The following FAM204A variants were observed in gnomAD, a reference collection of about 807,000 sequenced individuals.
FAM204A encodes the protein family with sequence similarity 204 member A.
Under a neutral mutation model 35.4 loss-of-function variants are expected in FAM204A, and 16 were observed. The observed-to-expected ratio is 0.45, with a 90% confidence interval of 0.31 to 0.69. The LOEUF is 0.69. Among genes scored for constraint, FAM204A ranks in the 30% least tolerant of loss-of-function variants. FAM204A has a pLI of 0.07. For missense variants in FAM204A, 240 were observed against 265.7 expected, an observed-to-expected ratio of 0.90 and a Z score of 0.67; for synonymous variants, 76 against 86.9, an observed-to-expected ratio of 0.88 and a Z score of 0.70.
At position 118,300,694 on chromosome 10, in the gene FAM204A, G is replaced by A. The variant is rs550233212; in HGVS notation, c.*10163C>T. ...CACCCACCTATAGGAGCTTAGCCCT[G>A]GGGAATTCTTTGGGCAGAATCCAGG... On this transcript the variant is annotated 3_prime_UTR_variant, in exon 9 of 9. Coordinates refer to ENST00000369183, the MANE Select transcript of FAM204A (RefSeq NM_022063.3). 2 of 152,318 alleles carry A rather than the reference G, an allele frequency of 1.3e-5. No homozygotes were observed. The highest frequency in any genetic ancestry group is 4.1e-4 in the South Asian group (2 of 4,824). 9.4% of individuals were successfully genotyped at this position (152,318 alleles called of 1,614,324 possible). A position where few individuals can be genotyped will look rare whatever the true frequency, so the allele number is the denominator to read the frequency against.
At chr10:118,318,827 T>C (rs537651853) in intron 7 of FAM204A, among the ~76,000 whole-genome samples, 1 of 152,068 alleles carries the variant, frequency 6.6e-6, no homozygotes, top group Admixed American at 6.6e-5. Context: ...AAACTTAGGT[T>C]TGAGAACATC....
At chr10:118,328,307 A>G (rs1846231285) in intron 6 of FAM204A, among the ~76,000 whole-genome samples, 1 of 151,962 alleles carries the variant, frequency 6.6e-6, no homozygotes, top group Non-Finnish European at 1.5e-5. Flanking sequence ...CTCCCTCTCT[A>G]ACTTGCAACC....
chr10:118,330,186 A>G (rs1309734280), intron 6 of FAM204A, among the ~76,000 whole-genome samples: 2 of 152,222 alleles, frequency 1.3e-5, no homozygotes, highest in East Asian at 3.8e-4. Flanking sequence ...TCACTGACAC[A>G]TATTTGTATG....
At chr10:118,341,091 T>C (rs1846472436) in intron 2 of FAM204A, among the ~76,000 whole-genome samples, 1 of 152,138 alleles carries the variant, frequency 6.6e-6, no homozygotes, top group African/African-American at 2.4e-5. Flanking sequence ...TACATCAAAG[T>C]CAAAGTCACA....
chr10:118,309,212 C>T lies in FAM204A; in HGVS notation c.*1645G>A, dbSNP rs1845910506. Reference sequence around the variant, plus strand: ...GTCTGGATACTGAATTAGTATGACACATAATATTCTAAAACTTTGCTTTCT... The same window carrying T: ...GTCTGGATACTGAATTAGTATGACATATAATATTCTAAAACTTTGCTTTCT... On this transcript the variant is annotated 3_prime_UTR_variant, in exon 9 of 9. Coordinates refer to ENST00000369183, the MANE Select transcript of FAM204A (RefSeq NM_022063.3). 6.6e-6 allele frequency: 1 copy of T among 152,030 alleles called. No individual in the cohort carries two copies. The highest frequency in any genetic ancestry group is 1.5e-5 in the Non-Finnish European group (1 of 68,008). The allele number at this position is 152,030 out of a possible 1,614,324, so 9.4% of individuals were successfully genotyped here.
At chr10:118,333,396 G>T (rs1846322584) in intron 6 of FAM204A, among the ~76,000 whole-genome samples, 1 of 152,226 alleles carries the variant, frequency 6.6e-6, no homozygotes, top group Non-Finnish European at 1.5e-5. Flanking sequence ...TTCATGAGCA[G>T]TCGCTACTAT....
At position 118,338,199 on chromosome 10, in the gene FAM204A, C is replaced by T. The variant is rs143421667; in HGVS notation, c.-8-1776G>A. ...AACCCGAAGTTATATAAGCTCCAGGCCCCATAAAACCCAGATCTATCCCTA... is the reference window on the plus strand; with the variant it reads ...AACCCGAAGTTATATAAGCTCCAGGTCCCATAAAACCCAGATCTATCCCTA... On this transcript the variant is annotated intron_variant, in intron 2 of 8. Coordinates refer to ENST00000369183, the MANE Select transcript of FAM204A (RefSeq NM_022063.3). 5.5e-3 allele frequency among the ~76,000 whole-genome samples: 840 copies of T among 152,280 alleles called. 6 individuals are homozygous for T. Among genetic ancestry groups the T allele is most frequent in the African/African-American group, 0.019 (805 of 41,550 alleles).
chr10:118,318,335 C>G (rs941147193), intron 7 of FAM204A, among the ~76,000 whole-genome samples: 2 of 151,986 alleles, frequency 1.3e-5, no homozygotes, highest in Non-Finnish European at 2.9e-5. Context: ...CAACCATTTG[C>G]TTTTACAGCA....
intron 3 of FAM204A, 171 bp downstream of exon 3, chr10:118,336,011 A>G: frequency 1.4e-6 from 1 of 703,624 alleles, no homozygotes; most frequent in Middle Eastern, 4.2e-4. Flanking sequence ...AAAACAAAAT[A>G]AACGCAAGTA....
intron 6 of FAM204A, among the ~76,000 whole-genome samples, chr10:118,329,283 G>A (rs977870890): frequency 2.6e-5 from 4 of 152,056 alleles, no homozygotes; most frequent in Non-Finnish European, 2.9e-5. Flanking sequence ...TTCTCTTTCT[G>A]AAACAGGCAT....
At position 118,307,388 on chromosome 10, in the gene FAM204A, T is replaced by C. The variant is rs550248826; in HGVS notation, c.*3469A>G. On this transcript the variant is annotated 3_prime_UTR_variant, in exon 9 of 9. Coordinates refer to ENST00000369183, the MANE Select transcript of FAM204A (RefSeq NM_022063.3). ...AATAAACAGTTGGCAGGAAAAAATATTGAACTGACATGCAAAGCATTTGTT... is the reference window on the plus strand; with the variant it reads ...AATAAACAGTTGGCAGGAAAAAATACTGAACTGACATGCAAAGCATTTGTT... 7 of 152,350 alleles carry C rather than the reference T, an allele frequency of 4.6e-5. No individual in the cohort carries two copies. The highest frequency in any genetic ancestry group is 1.2e-4 in the African/African-American group (5 of 41,584). The allele number at this position is 152,350 out of a possible 1,614,324, so 9.4% of individuals were successfully genotyped here.
At chr10:118,311,388 A>G in intron 7 of FAM204A, 75 bp from the exon 8 acceptor site, 1 of 1,178,168 alleles carries the variant, frequency 8.5e-7, no homozygotes, top group Non-Finnish European at 1.2e-6. Context: ...TTATACAAAT[A>G]ATTGAGAACT....
chr10:118,340,476 T>G (rs1346390857), intron 2 of FAM204A, among the ~76,000 whole-genome samples: 2 of 152,190 alleles, frequency 1.3e-5, no homozygotes, highest in African/African-American at 4.8e-5. Flanking sequence ...TTTATGATTT[T>G]GATATTATAA....
chr10:118,313,834 C>T (rs1845989944), intron 7 of FAM204A, among the ~76,000 whole-genome samples: 1 of 152,256 alleles, frequency 6.6e-6, no homozygotes, highest in Non-Finnish European at 1.5e-5. Flanking sequence ...TTTTTTAAAA[C>T]TGTTGTCAAT....
At chr10:118,314,462 CTAA>C (rs1469071316) in intron 7 of FAM204A, among the ~76,000 whole-genome samples, 1 of 152,076 alleles carries the variant, frequency 6.6e-6, no homozygotes, top group East Asian at 1.9e-4. Flanking sequence ...ATATAAAAGG[CTAA>C]TAAGACCTTC....
At chr10:118,313,272 T>G (rs1845981169) in intron 7 of FAM204A, among the ~76,000 whole-genome samples, 1 of 152,222 alleles carries the variant, frequency 6.6e-6, no homozygotes, top group Non-Finnish European at 1.5e-5. Flanking sequence ...TTTAAGTCCC[T>G]GTGGATGGGC....
Position 118,335,202 on chromosome 10 carries a change from G to C in FAM204A, c.365C>G (p.Ser122Ter). 6.2e-7 allele frequency: 1 copy of C among 1,613,070 alleles called. No homozygotes were observed. The highest frequency in any genetic ancestry group is 1.1e-5 in the South Asian group (1 of 90,934). ...NEKELHSEPS[S>*]NETQWKELTQ... ...AAGCTCTTTCCACTGGGTTTCATTTGAGGACGGTTCACTAAAAGAAGATAG... is the reference window on the plus strand; with the variant it reads ...AAGCTCTTTCCACTGGGTTTCATTTCAGGACGGTTCACTAAAAGAAGATAG... Residue 122 changes from serine (S) to a stop codon, truncating the protein, a stop_gained, in exon 6 of 9, where the codon TCA (serine) becomes TGA (stop). Transcript: ENST00000369183. LOFTEE classifies it high-confidence loss of function.
At chr10:118,336,791 C>A (rs1846396109) in intron 2 of FAM204A, among the ~76,000 whole-genome samples, 1 of 152,084 alleles carries the variant, frequency 6.6e-6, no homozygotes, top group Non-Finnish European at 1.5e-5. Flanking sequence ...ACATACTTTG[C>A]AAGCAATTTA....
chr10:118,338,920 T>A (rs1022056726), intron 2 of FAM204A, among the ~76,000 whole-genome samples: 1 of 152,210 alleles, frequency 6.6e-6, no homozygotes, highest in Non-Finnish European at 1.5e-5. Context: ...TATGGCTTTT[T>A]AAATTTTCTC....
Sources: allele counts gnomAD v4.1 joint callset (sites outside exome capture counted in the v4.1 genomes callset), GRCh38; gene constraint gnomAD v4.1.1; transcripts MANE v1.5; gene names NCBI Gene and HGNC (gene_info 2026-07-23, HGNC 2026-07-21).